The following IMMP2L variants were observed in gnomAD, a reference collection of about 807,000 sequenced individuals.
The protein encoded by IMMP2L is inner mitochondrial membrane peptidase subunit 2, also known as mitochondrial inner membrane protease subunit 2.
In IMMP2L, 18 loss-of-function variants were observed where a neutral mutation model predicts 19.3. That is an observed-to-expected ratio of 0.93 (90% CI 0.64 to 1.38). The LOEUF (loss-of-function observed/expected upper bound fraction) is 1.38. Ranked by LOEUF, IMMP2L falls within the 40% of genes most tolerant of loss-of-function variation. The pLI, the probability that IMMP2L is intolerant of heterozygous loss-of-function variation, is 0.00. For missense variants in IMMP2L, 233 were observed against 218.2 expected, an observed-to-expected ratio of 1.07 and a Z score of -0.43; for synonymous variants, 76 against 73.0, an observed-to-expected ratio of 1.04 and a Z score of -0.21.
chr7:111,332,699 C>T (rs1237384448), intron 3 of IMMP2L, among the ~76,000 whole-genome samples: 4 of 151,886 alleles, frequency 2.6e-5, no homozygotes, highest in African/African-American at 2.4e-5. Context: ...AAACTTTACA[C>T]CCTAAAAATA....
At chr7:111,475,213 G>C (rs768489217) in intron 3 of IMMP2L, among the ~76,000 whole-genome samples, 6 of 151,920 alleles carry the variant, frequency 3.9e-5, no homozygotes, top group Non-Finnish European at 7.4e-5. Flanking sequence ...ACCTTTCATG[G>C]GCCCTTGAGG....
At chr7:110,896,664 C>CAAAAAAATCAATATTTA (rs146478354) in intron 4 of IMMP2L, among the ~76,000 whole-genome samples, 2 of 27,416 alleles carry the variant, frequency 7.3e-5, no homozygotes, top group Non-Finnish European at 5.5e-5. Context: ...TGTTATTTTA[C>CAAAAAAATCAATATTTA]ATATAATTGG....
intron 3 of IMMP2L, among the ~76,000 whole-genome samples, chr7:110,966,545 A>G: frequency 6.6e-6 from 1 of 152,042 alleles, no homozygotes; most frequent in East Asian, 1.9e-4. Context: ...CTTAAAAGGT[A>G]TTCTATATTT....
At chr7:110,874,433 A>T (rs1013905237) in intron 5 of IMMP2L, among the ~76,000 whole-genome samples, 3 of 152,138 alleles carry the variant, frequency 2.0e-5, no homozygotes, top group African/African-American at 7.2e-5. Flanking sequence ...GTGAATAATG[A>T]ACTTCAAAAG....
At chr7:110,888,940 G>T (rs2129545790) in intron 4 of IMMP2L, among the ~76,000 whole-genome samples, 1 of 152,244 alleles carries the variant, frequency 6.6e-6, no homozygotes, top group African/African-American at 2.4e-5. Flanking sequence ...CCAAATGAAT[G>T]AATATCTGAA....
At chr7:110,833,895 C>T (rs1050688041) in intron 5 of IMMP2L, among the ~76,000 whole-genome samples, 3 of 152,158 alleles carry the variant, frequency 2.0e-5, no homozygotes, top group African/African-American at 4.8e-5. Flanking sequence ...CCAGTCAATT[C>T]TCTCATTTAC....
chr7:111,463,500 C>G (rs1034485821), intron 3 of IMMP2L, among the ~76,000 whole-genome samples: 12 of 152,086 alleles, frequency 7.9e-5, no homozygotes, highest in African/African-American at 2.7e-4. Context: ...CACAAGACAA[C>G]AGAAGAGAGA....
chr7:111,488,483 A>C (rs560709703), intron 2 of IMMP2L, among the ~76,000 whole-genome samples: 3 of 152,132 alleles, frequency 2.0e-5, no homozygotes, highest in African/African-American at 7.2e-5. Flanking sequence ...ATAGTCTCCA[A>C]TTCCTTTCAG....
chr7:111,534,228 C>A (rs539504084), intron 1 of IMMP2L, among the ~76,000 whole-genome samples: 11 of 152,082 alleles, frequency 7.2e-5, no homozygotes, highest in Non-Finnish European at 1.6e-4. Context: ...ATTCAACATA[C>A]CATTTTTATT....
At chr7:111,458,289 G>A (rs1433321282) in intron 3 of IMMP2L, among the ~76,000 whole-genome samples, 1 of 151,926 alleles carries the variant, frequency 6.6e-6, no homozygotes, top group Non-Finnish European at 1.5e-5. Flanking sequence ...TGAGGCAGGA[G>A]AATCACTTGA....
At chr7:111,256,987 T>C (rs575168136) in intron 3 of IMMP2L, among the ~76,000 whole-genome samples, 1 of 151,848 alleles carries the variant, frequency 6.6e-6, no homozygotes, top group African/African-American at 2.4e-5. Flanking sequence ...CTACCTACAA[T>C]AAATAAAAGT....
intron 3 of IMMP2L, among the ~76,000 whole-genome samples, chr7:111,085,227 C>T (rs1314898213): frequency 2.0e-5 from 3 of 152,222 alleles, no homozygotes; most frequent in African/African-American, 7.2e-5. Context: ...TCAAATGATT[C>T]GTATCTTTCA....
At chr7:111,410,852 A>T (rs755362709) in intron 3 of IMMP2L, among the ~76,000 whole-genome samples, 12 of 151,752 alleles carry the variant, frequency 7.9e-5, no homozygotes, top group Non-Finnish European at 1.3e-4. Context: ...TAAACAAAGT[A>T]TGAAGGAAGA....
intron 3 of IMMP2L, among the ~76,000 whole-genome samples, chr7:110,993,764 G>A (rs1454243395): frequency 6.6e-6 from 1 of 151,886 alleles, no homozygotes; most frequent in Non-Finnish European, 1.5e-5. Flanking sequence ...CTCCCCTACT[G>A]CCAAAACCCC....
chr7:110,831,489 T>C (rs1263546565), intron 5 of IMMP2L, among the ~76,000 whole-genome samples: 1 of 152,142 alleles, frequency 6.6e-6, no homozygotes, highest in Non-Finnish European at 1.5e-5. Context: ...CTTTCTACCA[T>C]ATGGTAATAA....
At chr7:111,356,169 A>C (rs900869464) in intron 3 of IMMP2L, among the ~76,000 whole-genome samples, 2 of 152,054 alleles carry the variant, frequency 1.3e-5, no homozygotes, top group African/African-American at 4.8e-5. Flanking sequence ...TAACAGACTC[A>C]GATTCCTTTT....
chr7:111,077,437 T>C (rs1795509295), intron 3 of IMMP2L, among the ~76,000 whole-genome samples: 1 of 152,224 alleles, frequency 6.6e-6, no homozygotes, highest in South Asian at 2.1e-4. Flanking sequence ...AGCACCACTG[T>C]CTACTATGAT....
intron 5 of IMMP2L, among the ~76,000 whole-genome samples, chr7:110,869,314 A>G (rs1478491786): frequency 2.0e-5 from 3 of 152,180 alleles, no homozygotes; most frequent in South Asian, 2.1e-4. Flanking sequence ...TTAAAACTCA[A>G]CCAATAAAAG....
intron 3 of IMMP2L, among the ~76,000 whole-genome samples, chr7:111,222,796 T>C (rs1812660806): frequency 6.6e-6 from 1 of 152,058 alleles, no homozygotes; most frequent in Admixed American, 6.6e-5. Context: ...AAGAAATGTA[T>C]ACCAAAGACC....
Sources: allele counts gnomAD v4.1 joint callset (sites outside exome capture counted in the v4.1 genomes callset), GRCh38; gene constraint gnomAD v4.1.1; transcripts MANE v1.5; gene names NCBI Gene and HGNC (gene_info 2026-07-23, HGNC 2026-07-21).